Variants in ZNF143 observed in about 807,000 individuals in gnomAD.
ZNF143 encodes the protein SPH-binding factor.
A neutral mutation model predicts 74.1 loss-of-function variants in ZNF143; 49 were observed. That is an observed-to-expected ratio of 0.66 (90% confidence interval 0.53 to 0.84). ZNF143 has a LOEUF of 0.84. ZNF143 is among the 40% of genes least tolerant of loss of function. The pLI, the probability that ZNF143 is intolerant of heterozygous loss-of-function variation, is 0.00. For synonymous variants in ZNF143, 304 were observed against 282.8 expected (o/e 1.07, Z -0.75); for missense variants, 637 against 793.4 (o/e 0.80, Z 2.37).
intron 7 of ZNF143, among the ~76,000 whole-genome samples, chr11:9,488,076 CT>C (rs1847631079): frequency 1.3e-5 from 2 of 152,068 alleles, no homozygotes; most frequent in Non-Finnish European, 1.5e-5. Flanking sequence ...CCCGCTATTA[CT>C]GTAGTTCTCT....
rs763740211 is a variant in ZNF143, at chr11:9,478,594, A to G, written c.570+8A>G. On this transcript the variant is annotated splice_region_variant and intron_variant, in intron 6 of 15. Transcript: ENST00000396602. ...GAACAGTATGCAGCAAAGGTATAGC[A>G]TTTCACAATGTCAAGAATGTTGCAG... 6.2e-7 allele frequency: 1 copy of G among 1,602,704 alleles called. No individual in the cohort carries two copies. Among genetic ancestry groups the G allele is most frequent in the Non-Finnish European group, 8.5e-7 (1 of 1,170,564 alleles).
Position 9,479,359 on chromosome 11 carries a change from ACTTTTTTTTCTTTTT to A in ZNF143, c.571-103_571-89del, listed in dbSNP as rs1847148808. ...AATAAATGATAATGAAGCCCCATGT[ACTTTTTTTTCTTTTT>A]CTTTTTTTTTGCAAGCTTCTCCCTG... On this transcript the variant is annotated intron_variant, in intron 6 of 15. Transcript: ENST00000396602. The A allele has an allele frequency of 5.8e-6, 4 of 691,638 alleles. No homozygotes were observed. In the Admixed American group the frequency reaches 1.3e-4, roughly 23 times the overall value. 42.8% of individuals were successfully genotyped at this position (691,638 alleles called of 1,614,324 possible). A position where few individuals can be genotyped will look rare whatever the true frequency, so the allele number is the denominator to read the frequency against.
chr11:9,488,441 A>G (rs139202628), intron 7 of ZNF143, among the ~76,000 whole-genome samples: 2 of 152,242 alleles, frequency 1.3e-5, no homozygotes, highest in Non-Finnish European at 2.9e-5. Flanking sequence ...TTATGTAAAC[A>G]TAATACTCTC....
intron 11 of ZNF143, among the ~76,000 whole-genome samples, chr11:9,504,507 C>T (rs1349755006): frequency 8.0e-6 from 1 of 124,796 alleles, no homozygotes; most frequent in Non-Finnish European, 1.9e-5. Flanking sequence ...TTTTAATGCT[C>T]CATTTTGTGG....
At chr11:9,521,663 A>G (rs1428210576) in intron 14 of ZNF143, among the ~76,000 whole-genome samples, 1 of 150,672 alleles carries the variant, frequency 6.6e-6, no homozygotes, top group Non-Finnish European at 1.5e-5. Context: ...GTTTTTTTGT[A>G]TCCATTTTGC....
chr11:9,491,521 C>G (rs538399895), intron 7 of ZNF143, among the ~76,000 whole-genome samples: 1 of 152,084 alleles, frequency 6.6e-6, no homozygotes, highest in South Asian at 2.1e-4. Context: ...CGCCTCTAGT[C>G]CCAGCTACTC....
rs76870110 is a variant in ZNF143, at chr11:9,474,913, G to A, written c.373+280G>A. On this transcript the variant is annotated intron_variant, in intron 5 of 15. Coordinates refer to ENST00000396602, the MANE Select transcript of ZNF143 (RefSeq NM_003442.6). ...TGGTTGGCTTTTGTTCTAAGAGACAGGGTCTCACTCTGTTGCCAGGCTGGA... is the reference window on the plus strand; with the variant it reads ...TGGTTGGCTTTTGTTCTAAGAGACAAGGTCTCACTCTGTTGCCAGGCTGGA... Among the ~76,000 whole-genome samples the A allele has an allele frequency of 1.1e-4, 16 of 152,330 alleles. No homozygotes were observed. The East Asian group carries it at 3.1e-3, about 29-fold the overall frequency.
At chr11:9,490,091 A>G (rs1265980001) in intron 7 of ZNF143, among the ~76,000 whole-genome samples, 1 of 151,912 alleles carries the variant, frequency 6.6e-6, no homozygotes, top group African/African-American at 2.4e-5. Context: ...GGCTGAGGCA[A>G]GAGGATCACT....
chr11:9,488,854 TAGAATA>T (rs1298490758), intron 7 of ZNF143, among the ~76,000 whole-genome samples: 2 of 151,418 alleles, frequency 1.3e-5, no homozygotes, highest in African/African-American at 4.9e-5. Flanking sequence ...TAATTGGAAA[TAGAATA>T]AGAAGGTAGT....
At chr11:9,464,796 A>C (rs1302648373) in intron 1 of ZNF143, among the ~76,000 whole-genome samples, 1 of 144,658 alleles carries the variant, frequency 6.9e-6, no homozygotes, top group Non-Finnish European at 1.5e-5. Flanking sequence ...GGTGGCGGGC[A>C]CCTGTAATCC....
At chr11:9,487,742 A>C (rs1000376204) in intron 7 of ZNF143, among the ~76,000 whole-genome samples, 2 of 152,222 alleles carry the variant, frequency 1.3e-5, no homozygotes, top group Non-Finnish European at 2.9e-5. Context: ...GAAGCTGATT[A>C]GTATTTCACT....
At chr11:9,518,572 C>G (rs1848800973) in intron 14 of ZNF143, among the ~76,000 whole-genome samples, 1 of 152,082 alleles carries the variant, frequency 6.6e-6, no homozygotes, top group Admixed American at 6.6e-5. Context: ...AAACATTAGC[C>G]AGGCGTGGTG....
Position 9,516,338 on chromosome 11 carries a change from T to C in ZNF143, c.1662T>C (p.Thr554=). ...SAGTHSVAMV[T]AEGTEGEQVA... ...GAACGCACTCTGTTGCTATGGTTAC[T>C]GCTGAGGGTACAGAAGGGGAACAGG... Residue 554 remains threonine (T), a synonymous_variant, in exon 14 of 16, where the codon ACT becomes ACC. Transcript: ENST00000396602. The C allele has an allele frequency of 6.2e-7, 1 of 1,613,672 alleles. No individual in the cohort carries two copies. The highest frequency in any genetic ancestry group is 8.5e-7 in the Non-Finnish European group (1 of 1,179,772).
intron 7 of ZNF143, among the ~76,000 whole-genome samples, chr11:9,489,099 A>G (rs565671812): frequency 3.9e-5 from 6 of 152,212 alleles, no homozygotes; most frequent in African/African-American, 7.2e-5. Flanking sequence ...ACTGTAGGTC[A>G]TTGCTATTTT....
chr11:9,486,380 T>TA (rs1332103074), intron 7 of ZNF143, among the ~76,000 whole-genome samples: 3 of 23,336 alleles, frequency 1.3e-4, no homozygotes, highest in South Asian at 9.2e-4. Context: ...TAATATATTA[T>TA]ATATATAATA....
intron 14 of ZNF143, among the ~76,000 whole-genome samples, chr11:9,520,998 T>G (rs941698096): frequency 6.6e-6 from 1 of 152,184 alleles, no homozygotes; most frequent in African/African-American, 2.4e-5. Context: ...AGATGATTTT[T>G]TAGAGCTGTT....
intron 14 of ZNF143, among the ~76,000 whole-genome samples, chr11:9,521,497 A>G (rs951826083): frequency 6.6e-6 from 1 of 151,892 alleles, no homozygotes; most frequent in Admixed American, 6.6e-5. Flanking sequence ...TTATTTCTCC[A>G]TAAAAGCTTG....
rs1856856901 is a variant in ZNF143 at position 9,475,912 on chromosome 11, G to GTGTA, written c.373+1282_373+1283insATGT. On this transcript the variant is annotated intron_variant, in intron 5 of 15. Coordinates refer to ENST00000396602, the MANE Select transcript of ZNF143 (RefSeq NM_003442.6). ...GACCCTGTCTCAAAAAAATATATAT[G>GTGTA]TGTGTGTGTGTGTGTGTGTGTGTGT... Among the ~76,000 whole-genome samples, 31 of 55,780 alleles carry GTGTA rather than the reference G, an allele frequency of 5.6e-4. No individual in the cohort carries two copies. The South Asian group carries it at 0.014, about 24-fold the overall frequency. The allele number at this position is 55,780 out of a possible 152,430, so 36.6% of individuals were successfully genotyped here.
intron 11 of ZNF143, among the ~76,000 whole-genome samples, chr11:9,507,044 A>G (rs1414063925): frequency 6.6e-6 from 1 of 152,162 alleles, no homozygotes; most frequent in African/African-American, 2.4e-5. Flanking sequence ...TATCCACCAA[A>G]ATAAGAACAT....
Sources: allele counts gnomAD v4.1 joint callset (sites outside exome capture counted in the v4.1 genomes callset), GRCh38; gene constraint gnomAD v4.1.1; transcripts MANE v1.5; gene names NCBI Gene and HGNC (gene_info 2026-07-23, HGNC 2026-07-21).